The following CD302 variants were observed in gnomAD, a reference collection of about 807,000 sequenced individuals.
CD302 encodes the protein CD302 molecule, also known as CD302 antigen.
Under a neutral mutation model 26.5 loss-of-function variants are expected in CD302, and 23 were observed. That is an observed-to-expected ratio of 0.87 (90% confidence interval 0.62 to 1.23). The LOEUF is 1.23. Among genes scored for constraint, CD302 ranks in the 50% most tolerant of loss-of-function variants. CD302 has a pLI of 0.00. For synonymous variants in CD302, 90 were observed against 99.4 expected, an observed-to-expected ratio of 0.91 and a Z score of 0.56; for missense variants, 290 against 275.5, an observed-to-expected ratio of 1.05 and a Z score of -0.37.
intron 1 of CD302, among the ~76,000 whole-genome samples, chr2:159,784,528 G>C (rs1574496152): frequency 6.6e-6 from 1 of 151,430 alleles, no homozygotes; most frequent in Non-Finnish European, 1.5e-5. Flanking sequence ...GCTAACTTTT[G>C]TATTTTTTGT....
chr2:159,783,509 A>G (rs751464820), intron 1 of CD302, 40 bp from the exon 2 acceptor site: 8 of 1,477,478 alleles, frequency 5.4e-6, no homozygotes, highest in Non-Finnish European at 7.3e-6. Context: ...ATAACTTGAG[A>G]AAAAGAATTA....
intron 1 of CD302, among the ~76,000 whole-genome samples, chr2:159,791,837 G>A (rs1708815269): frequency 6.6e-6 from 1 of 152,212 alleles, no homozygotes; most frequent in South Asian, 2.1e-4. Context: ...AGGTGCTTGA[G>A]ATTCCACAGT....
At chr2:159,776,892 G>A (rs1163263238) in intron 5 of CD302, among the ~76,000 whole-genome samples, 1 of 151,776 alleles carries the variant, frequency 6.6e-6, no homozygotes, top group Non-Finnish European at 1.5e-5. Flanking sequence ...TATTTAGCCC[G>A]GCCCATATCC....
chr2:159,774,179 G>A (rs919399994), intron 5 of CD302, among the ~76,000 whole-genome samples: 14 of 151,678 alleles, frequency 9.2e-5, no homozygotes, highest in African/African-American at 3.2e-4. Flanking sequence ...TCATCTTTGT[G>A]GACTCAAAGC....
chr2:159,798,204 C>T lies in CD302; in HGVS notation c.-6G>A, dbSNP rs1475610801. The T allele has an allele frequency of 8.5e-6, 12 of 1,417,730 alleles. No homozygotes were observed. The Admixed American group carries it at 8.7e-5, about 10-fold the overall frequency. The allele number at this position is 1,417,730 out of a possible 1,614,324, so 87.8% of individuals were successfully genotyped here. A position where few individuals can be genotyped will look rare whatever the true frequency, so the allele number is the denominator to read the frequency against. On this transcript the variant is annotated 5_prime_UTR_variant, in exon 1 of 6. Coordinates refer to ENST00000259053, the MANE Select transcript of CD302 (RefSeq NM_014880.5). ...GGCAGCGCGGCCCGGAGCATGACGG[C>T]GGGTGCGGGTGGGCGGCAGCGGCTG...
intron 5 of CD302, among the ~76,000 whole-genome samples, chr2:159,772,513 G>A (rs1708183423): frequency 6.6e-6 from 1 of 152,090 alleles, no homozygotes; most frequent in African/African-American, 2.4e-5. Context: ...ACCTGGTTTT[G>A]TGTGTCTTTG....
intron 4 of CD302, 54 bp from the exon 5 acceptor site, chr2:159,778,018 T>C: frequency 5.4e-6 from 4 of 735,744 alleles, no homozygotes; most frequent in Non-Finnish European, 8.0e-6. Flanking sequence ...TATTATAGGA[T>C]TGACTTTAAA....
At chr2:159,773,993 C>T (rs1708235217) in intron 5 of CD302, among the ~76,000 whole-genome samples, 1 of 152,124 alleles carries the variant, frequency 6.6e-6, no homozygotes, top group Admixed American at 6.6e-5. Context: ...CTCAACATTT[C>T]TTCAGAAATT....
intron 1 of CD302, among the ~76,000 whole-genome samples, chr2:159,783,991 A>T (rs1708593899): frequency 6.6e-6 from 1 of 152,154 alleles, no homozygotes. Context: ...AATGTTCTTA[A>T]TTTAACACCT....
At chr2:159,793,960 G>C (rs1358720739) in intron 1 of CD302, among the ~76,000 whole-genome samples, 1 of 151,938 alleles carries the variant, frequency 6.6e-6, no homozygotes, top group Non-Finnish European at 1.5e-5. Context: ...CTCAAGATTT[G>C]CTCTCAAAAT....
At chr2:159,781,951 T>C (rs1362519621) in intron 2 of CD302, among the ~76,000 whole-genome samples, 2 of 152,146 alleles carry the variant, frequency 1.3e-5, no homozygotes, top group African/African-American at 4.8e-5. Flanking sequence ...AATGTTATTG[T>C]TGAAGAATAT....
intron 1 of CD302, among the ~76,000 whole-genome samples, chr2:159,793,523 T>C (rs1259428570): frequency 6.6e-6 from 1 of 152,226 alleles, no homozygotes; most frequent in Non-Finnish European, 1.5e-5. Context: ...GAAAGACTTC[T>C]TTTTCATTTT....
In CD302 at chr2:159,786,626, G is replaced by A. The variant is rs777127970; in HGVS notation, c.68-3157C>T. ...TGGGATTACAGGCATGAGCCACTGCGCCCGGCCAAGTTTCTTACATACTAA... is the reference window on the plus strand; with the variant it reads ...TGGGATTACAGGCATGAGCCACTGCACCCGGCCAAGTTTCTTACATACTAA... On this transcript the variant is annotated intron_variant, in intron 1 of 5. Coordinates refer to ENST00000259053, the MANE Select transcript of CD302 (RefSeq NM_014880.5). Among the ~76,000 whole-genome samples the A allele has an allele frequency of 2.4e-4, 36 of 152,212 alleles. No homozygotes were observed. In the Middle Eastern group the frequency reaches 0.01, roughly 43 times the overall value.
intron 1 of CD302, among the ~76,000 whole-genome samples, chr2:159,789,296 C>T (rs1307557215): frequency 1.3e-5 from 2 of 152,010 alleles, no homozygotes; most frequent in Non-Finnish European, 2.9e-5. Context: ...GTCACTGTGC[C>T]CAGCCTACTT....
At chr2:159,784,512 T>C (rs1708614012) in intron 1 of CD302, among the ~76,000 whole-genome samples, 1 of 151,816 alleles carries the variant, frequency 6.6e-6, no homozygotes, top group Non-Finnish European at 1.5e-5. Flanking sequence ...TGTGCCACCA[T>C]GCCCGGCTAA....
chr2:159,776,829 C>G (rs1447739289), intron 5 of CD302, among the ~76,000 whole-genome samples: 1 of 151,632 alleles, frequency 6.6e-6, no homozygotes, highest in East Asian at 1.9e-4. Context: ...CCTCAACCTC[C>G]CAAGTAGCCG....
Position 159,780,228 on chromosome 2 carries a change from C to A in CD302, c.296-50G>T, listed in dbSNP as rs1259896365. 3 of 1,585,832 alleles carry A rather than the reference C, an allele frequency of 1.9e-6. No homozygotes were observed. In the South Asian group the frequency reaches 3.5e-5, roughly 18 times the overall value. ...CATTATGACAGTTTTAAAAGGAGTT[C>A]AAGCCAAAAAGGGTGTAGGATTAAA... On this transcript the variant is annotated intron_variant, in intron 3 of 5. Coordinates refer to ENST00000259053, the MANE Select transcript of CD302 (RefSeq NM_014880.5).
rs749152741 is a variant in CD302, at chr2:159,771,850, C to CT, written c.699dup. On this transcript the variant is annotated 3_prime_UTR_variant, in exon 6 of 6. Transcript: ENST00000259053. ...TGTCTTAGTGCAAGATTACCAAAAA[C>CT]TTAGTCAAATTGAACAGGATATTCA... 1 of 1,613,436 alleles carries CT rather than the reference C, an allele frequency of 6.2e-7. No individual in the cohort carries two copies. The highest frequency in any genetic ancestry group is 8.5e-7 in the Non-Finnish European group (1 of 1,179,520).
At position 159,771,810 on chromosome 2, in the gene CD302, A is replaced by G. The variant is rs777542602; in HGVS notation, c.*41T>C. 25 of 1,601,134 alleles carry G rather than the reference A, an allele frequency of 1.6e-5. No homozygotes were observed. Among genetic ancestry groups the G allele is most frequent in the South Asian group, 1.3e-4 (12 of 90,166 alleles). ...AAATCTTTCCCAAGTTATCTCTGCCAGGGCATTTTGTTGATGTCTTAGTGC... is the reference window on the plus strand; with the variant it reads ...AAATCTTTCCCAAGTTATCTCTGCCGGGGCATTTTGTTGATGTCTTAGTGC... On this transcript the variant is annotated 3_prime_UTR_variant, in exon 6 of 6. Coordinates refer to ENST00000259053, the MANE Select transcript of CD302 (RefSeq NM_014880.5).
Sources: allele counts gnomAD v4.1 joint callset (sites outside exome capture counted in the v4.1 genomes callset), GRCh38; gene constraint gnomAD v4.1.1; transcripts MANE v1.5; gene names NCBI Gene and HGNC (gene_info 2026-07-23, HGNC 2026-07-21).